Variants in BMERB1 observed in about 807,000 individuals in gnomAD.
BMERB1 encodes the protein bMERB domain containing 1.
BMERB1 carries 12 observed loss-of-function variants against 23.6 expected under a neutral mutation model. That is an observed-to-expected ratio of 0.51 (90% CI 0.33 to 0.82). The LOEUF is 0.82. Ranked by LOEUF, BMERB1 falls within the 40% of genes least tolerant of loss-of-function variation. The pLI, the probability that BMERB1 is intolerant of heterozygous loss-of-function variation, is 0.03. For missense variants in BMERB1, 247 were observed against 255.4 expected, an observed-to-expected ratio of 0.97 and a Z score of 0.22; for synonymous variants, 122 against 96.6, an observed-to-expected ratio of 1.26 and a Z score of -1.54.
At chr16:15,581,675 G>A (rs1346372698) in intron 4 of BMERB1, among the ~76,000 whole-genome samples, 1 of 152,130 alleles carries the variant, frequency 6.6e-6, no homozygotes, top group Non-Finnish European at 1.5e-5. Flanking sequence ...CCGAAACTCT[G>A]CCACCTGAAC....
At chr16:15,566,210 C>T (rs575473806) in intron 2 of BMERB1, among the ~76,000 whole-genome samples, 2 of 152,228 alleles carry the variant, frequency 1.3e-5, no homozygotes, top group African/African-American at 4.8e-5. Flanking sequence ...CACACAAAAC[C>T]ATAATGTGTA....
chr16:15,571,513 C>G (rs1055996594), intron 3 of BMERB1, among the ~76,000 whole-genome samples: 2 of 151,990 alleles, frequency 1.3e-5, no homozygotes, highest in Admixed American at 6.6e-5. Flanking sequence ...TGCCACCACG[C>G]CCGGCTAATT....
intron 1 of BMERB1, among the ~76,000 whole-genome samples, chr16:15,457,861 G>A (rs1171661012): frequency 3.9e-5 from 6 of 152,292 alleles, no homozygotes; most frequent in African/African-American, 1.4e-4. Flanking sequence ...TGGCTGGGGA[G>A]GCCTCAGGAA....
At chr16:15,459,345 A>G (rs2051116395) in intron 1 of BMERB1, among the ~76,000 whole-genome samples, 1 of 151,952 alleles carries the variant, frequency 6.6e-6, no homozygotes, top group Admixed American at 6.6e-5. Context: ...ACTGGATTAA[A>G]AAAAAAAAAA....
intron 2 of BMERB1, among the ~76,000 whole-genome samples, chr16:15,538,888 A>G (rs1042433347): frequency 1.3e-5 from 2 of 152,150 alleles, no homozygotes; most frequent in African/African-American, 4.8e-5. Context: ...CTAGACTTGG[A>G]GGCAGGAGCC....
intron 2 of BMERB1, among the ~76,000 whole-genome samples, chr16:15,554,194 T>A (rs1431601920): frequency 2.0e-5 from 3 of 152,164 alleles, no homozygotes; most frequent in African/African-American, 7.2e-5. Context: ...TTCCTTGAAC[T>A]CCAGTCACTG....
intron 2 of BMERB1, among the ~76,000 whole-genome samples, chr16:15,557,112 A>C (rs144192771): frequency 6.6e-5 from 10 of 152,164 alleles, no homozygotes; most frequent in African/African-American, 2.4e-4. Flanking sequence ...CAGCTCTATT[A>C]TTCCAGCAGG....
intron 3 of BMERB1, among the ~76,000 whole-genome samples, chr16:15,572,627 G>A (rs932919187): frequency 6.6e-6 from 1 of 152,180 alleles, no homozygotes; most frequent in Non-Finnish European, 1.5e-5. Context: ...AAGGAATGAG[G>A]GAAAAGTACC....
In BMERB1 at chr16:15,455,944, T is replaced by C. The variant is rs905925738; in HGVS notation, c.106+21185T>C. 2.6e-5 allele frequency among the ~76,000 whole-genome samples: 4 copies of C among 152,326 alleles called. No homozygotes were observed. In the East Asian group the frequency reaches 7.7e-4, roughly 29 times the overall value. On this transcript the variant is annotated intron_variant, in intron 1 of 5. Transcript: ENST00000300006. ...ACTATTCTTAATGACAATTTGTGGC[T>C]TATCAGGTTGACGTTTTCCTTTCTT...
At chr16:15,546,099 G>T (rs2029902893) in intron 2 of BMERB1, among the ~76,000 whole-genome samples, 1 of 152,092 alleles carries the variant, frequency 6.6e-6, no homozygotes, top group Non-Finnish European at 1.5e-5. Flanking sequence ...ACCAGACTGG[G>T]CAACATGGTG....
intron 5 of BMERB1, chr16:15,584,174 C>T (rs2031084283): frequency 3.2e-6 from 2 of 616,214 alleles, no homozygotes; most frequent in Non-Finnish European, 5.8e-6. Flanking sequence ...GATGATGGAT[C>T]CTGCTGTCAA....
intron 1 of BMERB1, among the ~76,000 whole-genome samples, chr16:15,514,051 G>A (rs775340867): frequency 5.3e-5 from 8 of 151,800 alleles, no homozygotes; most frequent in African/African-American, 1.2e-4. Flanking sequence ...TGGGAGGATC[G>A]CCTGAGGCCA....
At chr16:15,488,192 T>TA (rs1217137596) in intron 1 of BMERB1, among the ~76,000 whole-genome samples, 2 of 152,198 alleles carry the variant, frequency 1.3e-5, no homozygotes, top group African/African-American at 4.8e-5. Flanking sequence ...CAACAGTACC[T>TA]AAACAAATGG....
intron 3 of BMERB1, among the ~76,000 whole-genome samples, chr16:15,571,801 C>T (rs2030734213): frequency 6.6e-6 from 1 of 152,054 alleles, no homozygotes; most frequent in Non-Finnish European, 1.5e-5. Flanking sequence ...AATCATCGTC[C>T]CTCCGCCCAC....
At chr16:15,478,262 C>T (rs553274648) in intron 1 of BMERB1, among the ~76,000 whole-genome samples, 6 of 152,186 alleles carry the variant, frequency 3.9e-5, no homozygotes, top group African/African-American at 7.2e-5. Context: ...CGGGTTCAAG[C>T]GATTCTCCTG....
At position 15,447,487 on chromosome 16, in the gene BMERB1, A is replaced by G. The variant is rs1242793207; in HGVS notation, c.106+12728A>G. Among the ~76,000 whole-genome samples the G allele has an allele frequency of 2.0e-5, 3 of 152,206 alleles. No homozygotes were observed. In the South Asian group the frequency reaches 6.2e-4, roughly 32 times the overall value. On this transcript the variant is annotated intron_variant, in intron 1 of 5. Transcript: ENST00000300006. The stretch of plus-strand genomic sequence containing the variant: ...ATTACAATTCAGATTACAATTCAAG[A>G]TGAGATTTGGGTGGGGACACAGCCA...
At chr16:15,460,098 G>A (rs115866535) in intron 1 of BMERB1, among the ~76,000 whole-genome samples, 1 of 152,200 alleles carries the variant, frequency 6.6e-6, no homozygotes, top group African/African-American at 2.4e-5. Flanking sequence ...CTTCTGATGT[G>A]ACAGGAAGCC....
chr16:15,455,812 C>T (rs2051082869), intron 1 of BMERB1, among the ~76,000 whole-genome samples: 1 of 152,148 alleles, frequency 6.6e-6, no homozygotes, highest in African/African-American at 2.4e-5. Flanking sequence ...AGGGGTGCAG[C>T]TTTAAAACAG....
intron 2 of BMERB1, among the ~76,000 whole-genome samples, chr16:15,539,204 T>C (rs1319782843): frequency 6.6e-6 from 1 of 152,142 alleles, no homozygotes; most frequent in Non-Finnish European, 1.5e-5. Flanking sequence ...TCATCAGGCA[T>C]TAGATTCCTA....
Sources: allele counts gnomAD v4.1 joint callset (sites outside exome capture counted in the v4.1 genomes callset), GRCh38; gene constraint gnomAD v4.1.1; transcripts MANE v1.5; gene names NCBI Gene and HGNC (gene_info 2026-07-23, HGNC 2026-07-21).